CKS2: variants seen among roughly 807,000 people sequenced by gnomAD.
The protein encoded by CKS2 is CDC28 protein kinase regulatory subunit 2, also known as cyclin-dependent kinases regulatory subunit 2.
In CKS2, 4 loss-of-function variants were observed where a neutral mutation model predicts 14.3. That is an observed-to-expected ratio of 0.28 (90% CI 0.14 to 0.64). The LOEUF (loss-of-function observed/expected upper bound fraction) is 0.64. CKS2 is among the 30% of genes least tolerant of loss of function. CKS2 has a pLI of 0.83. For missense variants in CKS2, 71 were observed against 94.3 expected (o/e 0.75, Z 1.02); for synonymous variants, 33 against 28.7 (o/e 1.15, Z -0.48).
intron 2 of CKS2, 46 bp from the exon 3 acceptor site, chr9:89,316,327 A>G: frequency 1.7e-6 from 2 of 1,198,324 alleles, no homozygotes; most frequent in Non-Finnish European, 2.5e-6. Context: ...TCTGTTGAGT[A>G]TATGAAAATC....
chr9:89,315,334 T>C, intron 2 of CKS2, 37 bp downstream of exon 2: 2 of 1,477,082 alleles, frequency 1.4e-6, no homozygotes, highest in Non-Finnish European at 1.8e-6. Flanking sequence ...CAGTAATTGT[T>C]GAAATATTGG....
intron 1 of CKS2, 100 bp downstream of exon 1, chr9:89,311,451 T>TGGGGGGCGGGGGCGG: frequency 1.1e-5 from 4 of 355,828 alleles, no homozygotes; most frequent in Admixed American, 5.8e-5. Context: ...GGCCGGGGCC[T>TGGGGGGCGGGGGCGG]GGGGGGCGGA....
At chr9:89,313,604 G>C (rs188693330) in intron 1 of CKS2, among the ~76,000 whole-genome samples, 1 of 152,310 alleles carries the variant, frequency 6.6e-6, no homozygotes, top group Non-Finnish European at 1.5e-5. Flanking sequence ...CCCTGATGGA[G>C]GAGAGCCTGT....
intron 2 of CKS2, 107 bp downstream of exon 2, chr9:89,315,404 CTG>C (rs543201554): frequency 4.8e-4 from 497 of 1,027,092 alleles, no homozygotes; most frequent in Admixed American, 9.6e-4. Flanking sequence ...CTGAAAGTAA[CTG>C]TTCTGATAAG....
intron 1 of CKS2, among the ~76,000 whole-genome samples, chr9:89,314,963 GAA>G (rs1370401945): frequency 6.6e-6 from 1 of 152,172 alleles, no homozygotes; most frequent in African/African-American, 2.4e-5. Context: ...TGTGATAAGA[GAA>G]AAAGATTAAT....
intron 1 of CKS2, 39 bp from the exon 2 acceptor site, chr9:89,315,131 A>G (rs749315752): frequency 3.1e-5 from 48 of 1,563,926 alleles, no homozygotes; most frequent in Non-Finnish European, 8.7e-7. Flanking sequence ...CAGTTGTAGA[A>G]AAGGCACTGG....
chr9:89,316,332 A>G, intron 2 of CKS2, 41 bp from the exon 3 acceptor site: 1 of 1,293,968 alleles, frequency 7.7e-7, no homozygotes, highest in Non-Finnish European at 1.1e-6. Context: ...TGAGTATATG[A>G]AAATCATATT....
intron 1 of CKS2, 80 bp downstream of exon 1, chr9:89,311,431 C>A: frequency 1.5e-6 from 1 of 660,964 alleles, no homozygotes; most frequent in Non-Finnish European, 2.3e-6. Context: ...ATAGTAGGGT[C>A]GGGGGTGGGG....
intron 2 of CKS2, among the ~76,000 whole-genome samples, chr9:89,316,165 G>A (rs3211691): frequency 0.029 from 4,390 of 152,128 alleles, 85 homozygotes; most frequent in Middle Eastern, 0.075. Flanking sequence ...TTTGAAGGAG[G>A]TGTTTTTCCC....
chr9:89,313,270 C>G (rs1457541559), intron 1 of CKS2, among the ~76,000 whole-genome samples: 1 of 152,192 alleles, frequency 6.6e-6, no homozygotes, highest in African/African-American at 2.4e-5. Flanking sequence ...TTATCTCTAT[C>G]TTTCTTTGAT....
At chr9:89,315,404 C>A in intron 2 of CKS2, 107 bp downstream of exon 2, 1 of 1,027,202 alleles carries the variant, frequency 9.7e-7, no homozygotes. Context: ...CTGAAAGTAA[C>A]TGTTCTGATA....
Position 89,316,394 on chromosome 9 carries a change from G to A in CKS2, c.209G>A (p.Arg70Lys). ...ACAGAACCACATATTCTTCTCTTTA[G>A]ACGACCTCTTCCAAAAGATCAACAA... ...HEPEPHILLF[R>K]RPLPKDQQK is the part of the protein sequence containing the mutation. The change falls in exon 3 of 3, where the codon AGA becomes AAA. Residue 70 changes from arginine to lysine, a missense_variant. By Grantham distance (26) the Arg-to-Lys change is conservative (BLOSUM62 2). Transcript: ENST00000314355. 1.9e-6 allele frequency: 3 copies of A among 1,595,958 alleles called. No individual in the cohort carries two copies. The highest frequency in any genetic ancestry group is 2.6e-6 in the Non-Finnish European group (3 of 1,167,436).
intron 2 of CKS2, 49 bp downstream of exon 2, chr9:89,315,346 G>A: frequency 1.4e-6 from 2 of 1,413,328 alleles, no homozygotes; most frequent in Non-Finnish European, 1.9e-6. Flanking sequence ...AAATATTGGT[G>A]GTTATGGTTG....
At chr9:89,312,571 A>G (rs115956447) in intron 1 of CKS2, among the ~76,000 whole-genome samples, 105 of 152,308 alleles carry the variant, frequency 6.9e-4, no homozygotes, top group African/African-American at 2.4e-3. Context: ...CCCTAGTAGC[A>G]TGGAAGTCTG....
intron 1 of CKS2, 60 bp from the exon 2 acceptor site, chr9:89,315,110 G>A: frequency 6.7e-7 from 1 of 1,486,900 alleles, no homozygotes; most frequent in Non-Finnish European, 9.1e-7. Context: ...TAAGGTACAT[G>A]TATAAAGCGA....
intron 1 of CKS2, 88 bp downstream of exon 1, chr9:89,311,439 G>C: frequency 1.0e-6 from 1 of 990,688 alleles, no homozygotes; most frequent in Non-Finnish European, 1.4e-6. Flanking sequence ...GTCGGGGGTG[G>C]GGGCCGGGGC....
intron 1 of CKS2, among the ~76,000 whole-genome samples, chr9:89,312,518 A>T (rs1824638526): frequency 6.6e-6 from 1 of 152,152 alleles, no homozygotes; most frequent in Admixed American, 6.5e-5. Context: ...CTATTTAAGG[A>T]AGAAAGAACA....
chr9:89,315,814 T>C (rs545916741), intron 2 of CKS2, among the ~76,000 whole-genome samples: 172 of 152,282 alleles, frequency 1.1e-3, no homozygotes, highest in Non-Finnish European at 1.9e-3. Flanking sequence ...TACTAAAACT[T>C]TGTGGGTTTT....
At chr9:89,311,456 G>A (rs1388209149) in intron 1 of CKS2, 105 bp downstream of exon 1, 1 of 780,726 alleles carries the variant, frequency 1.3e-6, no homozygotes, top group Non-Finnish European at 1.9e-6. Context: ...GGGCCTGGGG[G>A]GCGGAGCCCG....
Sources: allele counts gnomAD v4.1 joint callset (sites outside exome capture counted in the v4.1 genomes callset), GRCh38; gene constraint gnomAD v4.1.1; transcripts MANE v1.5; gene names NCBI Gene and HGNC (gene_info 2026-07-23, HGNC 2026-07-21).